Variants in EDEM2 observed in about 807,000 individuals in gnomAD.
EDEM2 encodes the protein ER degradation-enhancing alpha-mannosidase-like protein 2.
Under a neutral mutation model 64.8 loss-of-function variants are expected in EDEM2, and 39 were observed. The observed-to-expected ratio is 0.60, with a 90% confidence interval of 0.47 to 0.79. The LOEUF is 0.79. Among genes scored for constraint, EDEM2 ranks in the 30% least tolerant of loss-of-function variants. The probability of loss-of-function intolerance (pLI) is 0.00; values close to 1 mark genes in which losing one functional copy is unlikely to be tolerated. For missense variants in EDEM2, 609 were observed against 731.3 expected (o/e 0.83, Z 1.93); for synonymous variants, 296 against 291.5 (o/e 1.02, Z -0.16).
At chr20:35,143,939 T>C (rs2085693620) in intron 3 of EDEM2, among the ~76,000 whole-genome samples, 1 of 152,116 alleles carries the variant, frequency 6.6e-6, no homozygotes. Context: ...GACAGGGTTT[T>C]ACTCTGTTAC....
chr20:35,118,463 AT>A, intron 10 of EDEM2, 134 bp downstream of exon 10: 1 of 1,348,776 alleles, frequency 7.4e-7, no homozygotes, highest in East Asian at 2.6e-5. Flanking sequence ...CATCTGTAAA[AT>A]ATGAGCATTA....
rs544921742 is a variant in EDEM2 at position 35,134,859 on chromosome 20, C to A, written c.581G>T (p.Gly194Val). ...AAATTCAACAATGAAGGTCCCAATC[C>A]CTGCCGTACAGGTGACAGGGGTCTC... ...PGETPVTCTA[G>V]IGTFIVEFAT... The change falls in exon 6 of 11, where the codon GGG becomes GTG. Residue 194 changes from glycine to valine, a missense_variant. Transcript: ENST00000374492. 2.5e-6 allele frequency: 4 copies of A among 1,614,136 alleles called. No homozygotes were observed. In the Admixed American group the frequency reaches 6.7e-5, roughly 27 times the overall value.
intron 10 of EDEM2, 92 bp downstream of exon 10, chr20:35,118,506 T>C (rs745523950): frequency 2.5e-6 from 4 of 1,574,664 alleles, no homozygotes; most frequent in Non-Finnish European, 3.5e-6. Context: ...CTAGTGCTGA[T>C]ATGTCAGAAC....
intron 5 of EDEM2, among the ~76,000 whole-genome samples, chr20:35,137,574 T>C (rs546405340): frequency 6.6e-6 from 1 of 152,272 alleles, no homozygotes; most frequent in South Asian, 2.1e-4. Flanking sequence ...CTGTAGTACC[T>C]GGAAGGGGAC....
At chr20:35,131,173 C>T (rs528658497) in intron 7 of EDEM2, among the ~76,000 whole-genome samples, 1 of 152,302 alleles carries the variant, frequency 6.6e-6, no homozygotes, top group African/African-American at 2.4e-5. Context: ...CTTCAGTTGG[C>T]TTTTGCAAGA....
chr20:35,121,754 T>C (rs1018714114), intron 9 of EDEM2, among the ~76,000 whole-genome samples: 1 of 151,882 alleles, frequency 6.6e-6, no homozygotes, highest in African/African-American at 2.4e-5. Flanking sequence ...GTAGGAGGGA[T>C]GACTGGATTA....
chr20:35,146,849 CAGGTGAG>C lies in EDEM2; in HGVS notation c.187_193del (p.Leu63ValfsTer12). The C allele has an allele frequency of 6.2e-7, 1 of 1,614,104 alleles. No individual in the cohort carries two copies. Among genetic ancestry groups the C allele is most frequent in the Non-Finnish European group, 8.5e-7 (1 of 1,179,998 alleles). The stretch of plus-strand genomic sequence containing the variant: ...CCTGCCCCAGGTGTCGTGCCCGTCA[CAGGTGAG>C]AGGTCGCAGCTCATCGAAGGGAAAG... On this transcript the variant is annotated frameshift_variant, in exon 2 of 11. Transcript: ENST00000374492. LOFTEE classifies it high-confidence loss of function.
intron 9 of EDEM2, 47 bp downstream of exon 9, chr20:35,123,843 A>G: frequency 1.2e-6 from 2 of 1,601,712 alleles, no homozygotes; most frequent in South Asian, 2.2e-5. Context: ...TTGGGGTTTC[A>G]GCAACCAGAG....
chr20:35,135,333 T>G (rs2085561411), intron 5 of EDEM2, among the ~76,000 whole-genome samples: 1 of 152,214 alleles, frequency 6.6e-6, no homozygotes, highest in Non-Finnish European at 1.5e-5. Flanking sequence ...GTGGGGCTTG[T>G]GGCACAATGA....
intron 4 of EDEM2, among the ~76,000 whole-genome samples, chr20:35,140,737 T>C (rs891571834): frequency 1.3e-5 from 2 of 152,124 alleles, no homozygotes; most frequent in Non-Finnish European, 2.9e-5. Flanking sequence ...ATATTGTGCA[T>C]AATTTCCATA....
chr20:35,137,620 C>T (rs1319122035), intron 5 of EDEM2, among the ~76,000 whole-genome samples: 1 of 152,130 alleles, frequency 6.6e-6, no homozygotes, highest in African/African-American at 2.4e-5. Context: ...AATGGCCTTC[C>T]ACCCACCAGG....
intron 9 of EDEM2, 81 bp downstream of exon 9, chr20:35,123,809 A>AGGAT (rs2146091800): frequency 6.6e-7 from 1 of 1,516,934 alleles, no homozygotes; most frequent in African/African-American, 1.4e-5. Context: ...GCAGTTGTGG[A>AGGAT]GGATGGAGCC....
chr20:35,116,883 G>A (rs1012630375), intron 10 of EDEM2, among the ~76,000 whole-genome samples: 4 of 151,820 alleles, frequency 2.6e-5, no homozygotes, highest in Admixed American at 6.6e-5. Context: ...TCTGCCTCCC[G>A]GGTTCAAGCA....
chr20:35,147,116 C>A (rs774802164), intron 1 of EDEM2, 36 bp downstream of exon 1: 3 of 1,589,954 alleles, frequency 1.9e-6, no homozygotes, highest in Non-Finnish European at 2.6e-6. Flanking sequence ...TCACGCTTCC[C>A]ATTCCCCAAC....
intron 8 of EDEM2, among the ~76,000 whole-genome samples, chr20:35,124,697 A>C (rs1480590197): frequency 1.3e-5 from 2 of 152,084 alleles, no homozygotes; most frequent in East Asian, 3.9e-4. Flanking sequence ...TTCTTGTATA[A>C]CCTTTCAGAG....
chr20:35,129,882 A>G (rs1007894377), intron 7 of EDEM2, among the ~76,000 whole-genome samples: 1 of 152,206 alleles, frequency 6.6e-6, no homozygotes, highest in Non-Finnish European at 1.5e-5. Context: ...AATAGGCTAC[A>G]CCATATAGCC....
intron 5 of EDEM2, among the ~76,000 whole-genome samples, chr20:35,137,244 T>G (rs936321721): frequency 1.2e-4 from 18 of 151,898 alleles, no homozygotes; most frequent in African/African-American, 4.4e-4. Flanking sequence ...GTGGCGAAAC[T>G]TCATCTCTAC....
At chr20:35,137,807 C>T (rs1028018455) in intron 5 of EDEM2, 73 bp downstream of exon 5, 1 of 1,564,822 alleles carries the variant, frequency 6.4e-7, no homozygotes, top group African/African-American at 1.4e-5. Context: ...TTCAGCACTG[C>T]CACTCTCATC....
intron 6 of EDEM2, among the ~76,000 whole-genome samples, chr20:35,132,141 A>G (rs568876102): frequency 6.6e-6 from 1 of 152,280 alleles, no homozygotes; most frequent in South Asian, 2.1e-4. Flanking sequence ...CCAGCATGTG[A>G]TTCCACTATC....
Sources: gnomAD v4.1 joint callset for allele counts (sites outside exome capture counted in the v4.1 genomes callset) on GRCh38, gnomAD v4.1.1 for gene constraint, MANE v1.5 for transcripts, NCBI Gene and HGNC (gene_info 2026-07-23, HGNC 2026-07-21) for gene names.